The following CORIN variants were observed in gnomAD, a reference collection of about 807,000 sequenced individuals.
The protein encoded by CORIN is atrial natriuretic peptide-converting enzyme.
CORIN carries 117 observed loss-of-function variants against 125.3 expected under a neutral mutation model. The ratio of observed to expected loss-of-function variants is 0.93; its 90% confidence interval spans 0.80 to 1.09. The LOEUF (loss-of-function observed/expected upper bound fraction) is 1.09. Ranked by LOEUF, CORIN falls within the 50% of genes least tolerant of loss-of-function variation. The pLI is 0.00. For missense variants in CORIN, 1,253 were observed against 1,306.7 expected (o/e 0.96, Z 0.63); for synonymous variants, 450 against 466.4 (o/e 0.96, Z 0.45).
intron 1 of CORIN, among the ~76,000 whole-genome samples, chr4:47,818,936 T>C (rs1287682736): frequency 6.7e-6 from 1 of 150,350 alleles, no homozygotes; most frequent in Admixed American, 6.6e-5. Context: ...AAAATCTGGA[T>C]ATATTGAACA....
chr4:47,675,408 C>A (rs1197503447), intron 9 of CORIN, among the ~76,000 whole-genome samples: 8 of 152,020 alleles, frequency 5.3e-5, no homozygotes, highest in Admixed American at 5.2e-4. Context: ...CACTAATGTG[C>A]AAATTAATAC....
At chr4:47,797,741 C>G (rs188833265) in intron 2 of CORIN, among the ~76,000 whole-genome samples, 9 of 152,012 alleles carry the variant, frequency 5.9e-5, no homozygotes, top group African/African-American at 2.2e-4. Context: ...TTCTTTACTA[C>G]TATAATGAAC....
intron 5 of CORIN, among the ~76,000 whole-genome samples, chr4:47,722,743 T>C (rs890649389): frequency 1.3e-5 from 2 of 152,184 alleles, no homozygotes; most frequent in African/African-American, 4.8e-5. Flanking sequence ...GATTCTAAGA[T>C]TCTAGGTCCA....
intron 4 of CORIN, among the ~76,000 whole-genome samples, chr4:47,762,162 G>A (rs1274002482): frequency 6.6e-6 from 1 of 152,036 alleles, no homozygotes; most frequent in Non-Finnish European, 1.5e-5. Flanking sequence ...ATGCTAAAAT[G>A]ATGGATGTAA....
At chr4:47,643,698 A>G (rs2109617266) in intron 14 of CORIN, among the ~76,000 whole-genome samples, 1 of 152,102 alleles carries the variant, frequency 6.6e-6, no homozygotes, top group East Asian at 1.9e-4. Context: ...TGAGTCATAC[A>G]TAGTTCTCTT....
chr4:47,696,714 C>G (rs1215868862), intron 5 of CORIN, among the ~76,000 whole-genome samples: 1 of 152,166 alleles, frequency 6.6e-6, no homozygotes, highest in Non-Finnish European at 1.5e-5. Flanking sequence ...AGTACATACC[C>G]AAAGGATGAT....
rs773367410 is a variant in CORIN at position 47,683,797 on chromosome 4, G to A, written c.955C>T (p.Leu319Phe). ...NLFHCHTGKC[L>F]NYSLVCDGYD... ...CCATCACACACAAGGCTGTAATTAAGGCACTTGCCTGTGTGACAGTGAAAC... is the reference window on the plus strand; with the variant it reads ...CCATCACACACAAGGCTGTAATTAAAGCACTTGCCTGTGTGACAGTGAAAC... The change falls in exon 7 of 22, where the codon CTT becomes TTT. Residue 319 changes from leucine (L) to phenylalanine (F), a missense_variant. Physicochemically the swap from Leu to Phe is conservative, Grantham distance 22. Transcript: ENST00000273857. 1.2e-6 allele frequency: 2 copies of A among 1,613,682 alleles called. No individual in the cohort carries two copies. Among genetic ancestry groups the A allele is most frequent in the Non-Finnish European group, 1.7e-6 (2 of 1,179,834 alleles).
At chr4:47,703,613 C>T (rs1338130102) in intron 5 of CORIN, among the ~76,000 whole-genome samples, 1 of 152,208 alleles carries the variant, frequency 6.6e-6, no homozygotes, top group African/African-American at 2.4e-5. Flanking sequence ...ATCCCACCTA[C>T]TTTGGGATCG....
chr4:47,642,046 G>T lies in CORIN; in HGVS notation c.2072C>A (p.Thr691Asn), dbSNP rs748677860. The T allele has an allele frequency of 3.7e-6, 6 of 1,612,308 alleles. No homozygotes were observed. The highest frequency in any genetic ancestry group is 5.1e-6 in the Non-Finnish European group (6 of 1,179,196). Residue 691 changes from threonine (T) to asparagine (N), a missense_variant, in exon 16 of 22, where the codon ACC becomes AAC. Physicochemically the swap from Thr to Asn is moderately conservative, Grantham distance 65. Coordinates refer to ENST00000273857, the MANE Select transcript of CORIN (RefSeq NM_006587.4). The stretch of plus-strand genomic sequence containing the variant: ...AGAGGAGTTCACATTTATAGAGAGG[G>T]TCACTAGGGAAAGAAAAGACAAGGG... ...SDSSDEWDCV[T>N]LSINVNSSSF... is the part of the protein sequence containing the mutation.
chr4:47,707,347 C>A (rs965953901), intron 5 of CORIN, among the ~76,000 whole-genome samples: 6 of 152,154 alleles, frequency 3.9e-5, no homozygotes, highest in Admixed American at 3.3e-4. Context: ...TTCAAGACTG[C>A]TTAAAAGTAG....
chr4:47,804,752 A>T (rs2109948410), intron 2 of CORIN, among the ~76,000 whole-genome samples: 1 of 150,166 alleles, frequency 6.7e-6, no homozygotes, highest in East Asian at 2.0e-4. Flanking sequence ...GGGGTTGTTA[A>T]TGGGTACAAA....
intron 2 of CORIN, among the ~76,000 whole-genome samples, chr4:47,804,035 A>C (rs1237268974): frequency 6.6e-6 from 1 of 152,252 alleles, no homozygotes; most frequent in African/African-American, 2.4e-5. Flanking sequence ...CCACTTAAAA[A>C]TGGGCAAAAG....
At chr4:47,735,451 T>C (rs533165922) in intron 5 of CORIN, among the ~76,000 whole-genome samples, 1 of 152,270 alleles carries the variant, frequency 6.6e-6, no homozygotes, top group South Asian at 2.1e-4. Context: ...CTCAGATGAG[T>C]GTACTTCGGA....
intron 10 of CORIN, among the ~76,000 whole-genome samples, chr4:47,669,124 A>G (rs1274341443): frequency 1.3e-5 from 2 of 152,178 alleles, no homozygotes; most frequent in East Asian, 3.8e-4. Flanking sequence ...TGTCCCGAAC[A>G]CAGATGAGGT....
intron 11 of CORIN, among the ~76,000 whole-genome samples, chr4:47,662,784 T>C (rs1724310561): frequency 6.6e-6 from 1 of 152,192 alleles, no homozygotes; most frequent in Admixed American, 6.5e-5. Context: ...AAAGGCCAGC[T>C]CCAGTCTTGC....
At chr4:47,744,195 A>AAG (rs1370801900) in intron 5 of CORIN, among the ~76,000 whole-genome samples, 4 of 152,126 alleles carry the variant, frequency 2.6e-5, no homozygotes, top group Non-Finnish European at 4.4e-5. Flanking sequence ...TTTCTTTTGG[A>AAG]AGGGTGAGAT....
chr4:47,749,837 A>G (rs1577888562), intron 4 of CORIN, among the ~76,000 whole-genome samples: 3 of 152,328 alleles, frequency 2.0e-5, no homozygotes, highest in Middle Eastern at 3.4e-3. Flanking sequence ...TCACAAAATC[A>G]TAGTCACAGG....
At chr4:47,666,087 A>G (rs1724465967) in intron 10 of CORIN, among the ~76,000 whole-genome samples, 1 of 152,056 alleles carries the variant, frequency 6.6e-6, no homozygotes, top group Admixed American at 6.6e-5. Context: ...ACCCTTTCCC[A>G]TCTTCCCCAA....
Position 47,838,057 on chromosome 4 carries a change from A to G in CORIN, c.-108T>C. On this transcript the variant is annotated 5_prime_UTR_variant, in exon 1 of 22. Transcript: ENST00000273857. Reference sequence around the variant, plus strand: ...ACGGATGATTTTCTCCAAGCTCAAGAGAGACAAACTGAACTTTAAGCGCCA... The same window carrying G: ...ACGGATGATTTTCTCCAAGCTCAAGGGAGACAAACTGAACTTTAAGCGCCA... 1.3e-6 allele frequency: 2 copies of G among 1,548,366 alleles called. No homozygotes were observed. The highest frequency in any genetic ancestry group is 2.1e-5 in the Admixed American group (1 of 48,180).
Sources: allele counts gnomAD v4.1 joint callset (sites outside exome capture counted in the v4.1 genomes callset), GRCh38; gene constraint gnomAD v4.1.1; transcripts MANE v1.5; gene names NCBI Gene and HGNC (gene_info 2026-07-23, HGNC 2026-07-21).